LUZP2: variants seen among roughly 807,000 people sequenced by gnomAD.
The protein encoded by LUZP2 is leucine zipper protein 2.
Under a neutral mutation model 51.6 loss-of-function variants are expected in LUZP2, and 52 were observed. That is an observed-to-expected ratio of 1.01 (90% CI 0.81 to 1.27). The LOEUF is 1.27. Ranked by LOEUF, LUZP2 falls within the 50% of genes most tolerant of loss-of-function variation. The pLI is 0.00. For synonymous variants in LUZP2, 154 were observed against 137.3 expected (o/e 1.12, Z -0.85); for missense variants, 436 against 395.4 (o/e 1.10, Z -0.87).
At chr11:24,949,150 A>T (rs1221966326) in intron 7 of LUZP2, among the ~76,000 whole-genome samples, 1 of 151,596 alleles carries the variant, frequency 6.6e-6, no homozygotes, top group East Asian at 1.9e-4. Flanking sequence ...CATATGTTTT[A>T]GCTCAGAAGG....
At chr11:24,979,462 C>G (rs979366153) in intron 8 of LUZP2, among the ~76,000 whole-genome samples, 1 of 151,756 alleles carries the variant, frequency 6.6e-6, no homozygotes, top group Non-Finnish European at 1.5e-5. Flanking sequence ...TTTTAAAATA[C>G]TATTTGAGTA....
chr11:25,036,094 C>CT (rs1410358273), intron 9 of LUZP2, among the ~76,000 whole-genome samples: 1 of 152,036 alleles, frequency 6.6e-6, no homozygotes, highest in African/African-American at 2.4e-5. Context: ...TACCTCTGAT[C>CT]TGGGACTTTT....
At chr11:24,769,272 G>A (rs1460991676) in intron 5 of LUZP2, among the ~76,000 whole-genome samples, 1 of 152,152 alleles carries the variant, frequency 6.6e-6, no homozygotes, top group Non-Finnish European at 1.5e-5. Flanking sequence ...TTTGTCAACA[G>A]GTACAAAGTT....
At chr11:24,625,941 G>T (rs1854665140) in intron 1 of LUZP2, among the ~76,000 whole-genome samples, 1 of 152,128 alleles carries the variant, frequency 6.6e-6, no homozygotes, top group South Asian at 2.1e-4. Context: ...TAGTCCATTG[G>T]TCTTAGAGTG....
At chr11:24,899,440 T>TACAGC (rs1853202610) in intron 5 of LUZP2, among the ~76,000 whole-genome samples, 1 of 151,956 alleles carries the variant, frequency 6.6e-6, no homozygotes, top group Admixed American at 6.6e-5. Flanking sequence ...TGTGAGGTTG[T>TACAGC]AAACAAAACC....
At chr11:24,634,751 A>G (rs553316612) in intron 1 of LUZP2, among the ~76,000 whole-genome samples, 1 of 152,246 alleles carries the variant, frequency 6.6e-6, no homozygotes, top group East Asian at 1.9e-4. Context: ...TGCAGGTGCA[A>G]GGTGAAAGGG....
chr11:24,720,738 G>A (rs1405511234), intron 1 of LUZP2, among the ~76,000 whole-genome samples: 1 of 152,060 alleles, frequency 6.6e-6, no homozygotes, highest in Non-Finnish European at 1.5e-5. Context: ...AGTCCCTGTC[G>A]CCCAGGCTGG....
At chr11:24,869,653 A>G (rs1851999385) in intron 5 of LUZP2, among the ~76,000 whole-genome samples, 1 of 152,014 alleles carries the variant, frequency 6.6e-6, no homozygotes, top group Non-Finnish European at 1.5e-5. Context: ...AACTTTGATG[A>G]TATTATTGTA....
intron 1 of LUZP2, among the ~76,000 whole-genome samples, chr11:24,537,716 T>TTGGG: frequency 6.6e-6 from 1 of 152,060 alleles, no homozygotes; most frequent in African/African-American, 2.4e-5. Context: ...GAAACTAAAG[T>TTGGG]GAAAAGCCTT....
chr11:24,954,578 C>A (rs952408663), intron 7 of LUZP2, among the ~76,000 whole-genome samples: 5 of 152,000 alleles, frequency 3.3e-5, no homozygotes, highest in Admixed American at 1.3e-4. Flanking sequence ...GGACTCATTG[C>A]CTCCTTTCTA....
intron 1 of LUZP2, among the ~76,000 whole-genome samples, chr11:24,598,510 AAAT>A (rs1361715427): frequency 6.6e-6 from 1 of 152,284 alleles, no homozygotes; most frequent in African/African-American, 2.4e-5. Context: ...ATGATTAAAA[AAAT>A]AAGTGCATCA....
At chr11:24,777,139 C>T (rs770499312) in intron 5 of LUZP2, among the ~76,000 whole-genome samples, 61 of 151,936 alleles carry the variant, frequency 4.0e-4, no homozygotes, top group Middle Eastern at 3.4e-3. Flanking sequence ...GGACTACAGG[C>T]GCCACCACCA....
intron 1 of LUZP2, among the ~76,000 whole-genome samples, chr11:24,557,303 T>C (rs1020370625): frequency 4.7e-5 from 7 of 147,510 alleles, no homozygotes; most frequent in African/African-American, 1.7e-4. Flanking sequence ...GTAATAGAGA[T>C]GTCAGCATCT....
rs183754188 is a variant in LUZP2, at chr11:24,816,103, G to A, written c.396+52795G>A. ...GCCTTAGTTTTCTTTGTATAAGAAG[G>A]ACATTATATTTAGCTTTTATAATGA... On this transcript the variant is annotated intron_variant, in intron 5 of 11. Coordinates refer to ENST00000336930, the MANE Select transcript of LUZP2 (RefSeq NM_001009909.4). Among the ~76,000 whole-genome samples, 330 of 151,780 alleles carry A rather than the reference G, an allele frequency of 2.2e-3. 2 individuals are homozygous for A. Among genetic ancestry groups the A allele is most frequent in the Middle Eastern group, 0.014 (4 of 292 alleles).
At position 24,727,483 on chromosome 11, in the gene LUZP2, C is replaced by G. The variant is rs541600927; in HGVS notation, c.63-1686C>G. Among the ~76,000 whole-genome samples the G allele has an allele frequency of 7.8e-4, 118 of 151,952 alleles. 1 individual carries two copies. The highest frequency in any genetic ancestry group is 2.7e-3 in the African/African-American group (114 of 41,462). On this transcript the variant is annotated intron_variant, in intron 1 of 11. Coordinates refer to ENST00000336930, the MANE Select transcript of LUZP2 (RefSeq NM_001009909.4). ...TCATGAGAAAAGCACTATTATTAAC[C>G]CTATATATAATATGACAGCATATAT... is the stretch of plus-strand genomic sequence containing the variant.
chr11:24,864,664 G>A (rs1420962846), intron 5 of LUZP2, among the ~76,000 whole-genome samples: 1 of 152,080 alleles, frequency 6.6e-6, no homozygotes, highest in East Asian at 1.9e-4. Flanking sequence ...AAGAACAAAG[G>A]CCATTATGAA....
At chr11:24,824,623 C>T (rs1479256381) in intron 5 of LUZP2, among the ~76,000 whole-genome samples, 1 of 151,670 alleles carries the variant, frequency 6.6e-6, no homozygotes, top group Non-Finnish European at 1.5e-5. Flanking sequence ...AATCTAAAGT[C>T]TTATAATATT....
intron 1 of LUZP2, among the ~76,000 whole-genome samples, chr11:24,506,645 C>A (rs1438433756): frequency 6.6e-6 from 1 of 152,074 alleles, no homozygotes; most frequent in Non-Finnish European, 1.5e-5. Flanking sequence ...ACAGGTTAGA[C>A]CAAGATTTCT....
At chr11:24,956,160 A>C (rs1415186540) in intron 7 of LUZP2, among the ~76,000 whole-genome samples, 1 of 152,138 alleles carries the variant, frequency 6.6e-6, no homozygotes, top group East Asian at 1.9e-4. Context: ...GGGACATACA[A>C]GAATGACCCC....
Sources: gnomAD v4.1 joint callset for allele counts (sites outside exome capture counted in the v4.1 genomes callset) on GRCh38, gnomAD v4.1.1 for gene constraint, MANE v1.5 for transcripts, NCBI Gene and HGNC (gene_info 2026-07-23, HGNC 2026-07-21) for gene names.